TBC1D19: variants seen among roughly 807,000 people sequenced by gnomAD.
The protein encoded by TBC1D19 is TBC1 domain family, member 19.
A neutral mutation model predicts 89.0 loss-of-function variants in TBC1D19; 60 were observed. That is an observed-to-expected ratio of 0.67 (90% CI 0.55 to 0.84). TBC1D19 has a LOEUF of 0.84. TBC1D19 is among the 40% of genes least tolerant of loss of function. The probability of loss-of-function intolerance (pLI) is 0.00; values close to 1 mark genes in which losing one functional copy is unlikely to be tolerated. For missense variants in TBC1D19, 500 were observed against 610.8 expected (o/e 0.82, Z 1.91); for synonymous variants, 189 against 199.7 (o/e 0.95, Z 0.45).
chr4:26,640,630 T>A (rs1743435875), intron 7 of TBC1D19, among the ~76,000 whole-genome samples: 1 of 151,910 alleles, frequency 6.6e-6, no homozygotes, highest in African/African-American at 2.4e-5. Context: ...GGGCAAGGGG[T>A]TGGGGGATTT....
chr4:26,793,199 C>T, the TBC1D19 span, among the ~76,000 whole-genome samples: 25 of 152,064 alleles, frequency 1.6e-4, no homozygotes, highest in Non-Finnish European at 3.2e-4. Flanking sequence ...CAGAGAGGTA[C>T]GACCTGAAAT....
At chr4:26,718,040 G>T in intron 14 of TBC1D19, 23 bp downstream of exon 14, 1 of 1,545,470 alleles carries the variant, frequency 6.5e-7, no homozygotes. Flanking sequence ...TAATTTTAAG[G>T]AAGTATTAAG....
At chr4:26,786,462 A>C in the TBC1D19 span, among the ~76,000 whole-genome samples, 1 of 152,198 alleles carries the variant, frequency 6.6e-6, no homozygotes, top group East Asian at 1.9e-4. Flanking sequence ...GTGAAACCCC[A>C]TCTCTACTAA....
intron 13 of TBC1D19, among the ~76,000 whole-genome samples, chr4:26,711,348 T>G (rs1024603140): frequency 2.0e-5 from 3 of 152,086 alleles, no homozygotes; most frequent in Admixed American, 6.6e-5. Context: ...TTCTTGAAAA[T>G]TTATCATTTG....
At chr4:26,725,644 C>G (rs1717266104) in intron 15 of TBC1D19, among the ~76,000 whole-genome samples, 1 of 152,148 alleles carries the variant, frequency 6.6e-6, no homozygotes, top group African/African-American at 2.4e-5. Flanking sequence ...AACACCTGGT[C>G]TCAAGCAATC....
intron 11 of TBC1D19, among the ~76,000 whole-genome samples, chr4:26,678,835 A>G (rs1430114327): frequency 1.3e-5 from 2 of 152,142 alleles, no homozygotes; most frequent in African/African-American, 4.8e-5. Context: ...TTAGGAAACA[A>G]AAGGGGAGGC....
At chr4:26,731,614 C>T (rs767032695) in intron 15 of TBC1D19, among the ~76,000 whole-genome samples, 9 of 151,746 alleles carry the variant, frequency 5.9e-5, no homozygotes, top group African/African-American at 1.5e-4. Context: ...ACTGGTAGAG[C>T]GAAAGAGAAA....
the TBC1D19 span, among the ~76,000 whole-genome samples, chr4:26,851,309 CTAT>C: frequency 9.3e-4 from 61 of 65,402 alleles, no homozygotes; most frequent in African/African-American, 2.0e-3. Flanking sequence ...AATACCCTAT[CTAT>C]CTATCTATCT....
At chr4:26,717,028 G>T (rs1716670907) in intron 13 of TBC1D19, among the ~76,000 whole-genome samples, 1 of 152,098 alleles carries the variant, frequency 6.6e-6, no homozygotes, top group Non-Finnish European at 1.5e-5. Context: ...AGCAGTGGCA[G>T]TGGTTGATAT....
At chr4:26,600,416 G>A (rs1661298739) in intron 1 of TBC1D19, among the ~76,000 whole-genome samples, 1 of 152,200 alleles carries the variant, frequency 6.6e-6, no homozygotes, top group South Asian at 2.1e-4. Context: ...ATATGTAAGG[G>A]ATAAGAGAAG....
chr4:26,673,301 T>A (rs1284693137), intron 10 of TBC1D19, among the ~76,000 whole-genome samples: 1 of 151,530 alleles, frequency 6.6e-6, no homozygotes, highest in Non-Finnish European at 1.5e-5. Context: ...TTCTTAGGCA[T>A]GAAACTTCAT....
intron 3 of TBC1D19, 131 bp downstream of exon 3, chr4:26,614,584 T>C: frequency 1.9e-6 from 1 of 516,618 alleles, no homozygotes; most frequent in East Asian, 3.5e-5. Flanking sequence ...GCATTTCAAG[T>C]AAGTTGATAC....
the TBC1D19 span, among the ~76,000 whole-genome samples, chr4:26,837,820 G>C: frequency 1.3e-5 from 2 of 152,246 alleles, 1 homozygote; most frequent in South Asian, 4.2e-4. Context: ...TAAGAGAAAG[G>C]CTGGTTAGAA....
At chr4:26,618,664 G>C (rs1485525567) in intron 3 of TBC1D19, among the ~76,000 whole-genome samples, 1 of 152,194 alleles carries the variant, frequency 6.6e-6, no homozygotes, top group African/African-American at 2.4e-5. Flanking sequence ...GTTATCTACT[G>C]TGTACCAGGC....
Position 26,754,993 on chromosome 4 carries a change from C to A in TBC1D19, c.*46C>A. ...AACACATCTAGTTTTTCATTAGAAACAAATCATGAACTATGCAAACTCTGC... is the reference window on the plus strand; with the variant it reads ...AACACATCTAGTTTTTCATTAGAAAAAAATCATGAACTATGCAAACTCTGC... On this transcript the variant is annotated 3_prime_UTR_variant, in exon 21 of 21. Transcript: ENST00000264866. The A allele has an allele frequency of 6.5e-7, 1 of 1,548,020 alleles. No homozygotes were observed. The highest frequency in any genetic ancestry group is 8.8e-7 in the Non-Finnish European group (1 of 1,141,860).
chr4:26,585,869 G>C (rs1193105977), intron 1 of TBC1D19, among the ~76,000 whole-genome samples: 1 of 151,532 alleles, frequency 6.6e-6, no homozygotes, highest in Non-Finnish European at 1.5e-5. Flanking sequence ...ACAGACGTGA[G>C]CCACCACACC....
intron 1 of TBC1D19, among the ~76,000 whole-genome samples, chr4:26,590,016 C>T (rs1739661249): frequency 6.6e-6 from 1 of 152,170 alleles, no homozygotes; most frequent in Admixed American, 6.5e-5. Context: ...GTGTGAATTC[C>T]CCTTGCATTT....
At position 26,735,491 on chromosome 4, in the gene TBC1D19, A is replaced by G; in HGVS notation, c.1117+4A>G. ...TTTCATGGATTTTCAATGTATGGTA[A>G]GTTGGGCTTTAAAAACATCATAATG... On this transcript the variant is annotated splice_donor_region_variant and intron_variant, in intron 16 of 20. Coordinates refer to ENST00000264866, the MANE Select transcript of TBC1D19 (RefSeq NM_018317.4). 6.4e-7 allele frequency: 1 copy of G among 1,565,140 alleles called. No homozygotes were observed. Among genetic ancestry groups the G allele is most frequent in the Non-Finnish European group, 8.7e-7 (1 of 1,152,370 alleles).
At chr4:26,622,918 G>A (rs1742152241) in intron 4 of TBC1D19, among the ~76,000 whole-genome samples, 1 of 152,052 alleles carries the variant, frequency 6.6e-6, no homozygotes, top group Non-Finnish European at 1.5e-5. Flanking sequence ...TTTATCGTCA[G>A]CATCTAGCAT....
Sources: allele counts gnomAD v4.1 joint callset (sites outside exome capture counted in the v4.1 genomes callset), GRCh38; gene constraint gnomAD v4.1.1; transcripts MANE v1.5; gene names NCBI Gene and HGNC (gene_info 2026-07-23, HGNC 2026-07-21).